Variants in RBM19 observed in about 807,000 individuals in gnomAD.
RBM19 encodes the protein probable RNA-binding protein 19.
RBM19 carries 94 observed loss-of-function variants against 116.8 expected under a neutral mutation model. The ratio of observed to expected loss-of-function variants is 0.80; its 90% confidence interval spans 0.68 to 0.95. The LOEUF is 0.95. Among genes scored for constraint, RBM19 ranks in the 40% least tolerant of loss-of-function variants. The pLI is 0.00. For missense variants in RBM19, 1,161 were observed against 1,220.7 expected (o/e 0.95, Z 0.73); for synonymous variants, 475 against 494.1 (o/e 0.96, Z 0.51).
rs1453017792 is a variant in RBM19 at position 113,884,582 on chromosome 12, G to A, written c.2559-25686C>T. On this transcript the variant is annotated intron_variant, in intron 21 of 23. Transcript: ENST00000261741. The stretch of plus-strand genomic sequence containing the variant: ...AAGGTTGGGAAACTCCGTACTGGAG[G>A]CAAGGAGACCCTGTAGCCATGAGCA... Among the ~76,000 whole-genome samples, 4 of 152,216 alleles carry A rather than the reference G, an allele frequency of 2.6e-5. No individual in the cohort carries two copies. The East Asian group carries it at 7.7e-4, about 29-fold the overall frequency.
chr12:113,938,461 T>TG (rs1307785884), intron 15 of RBM19, among the ~76,000 whole-genome samples: 3 of 112,994 alleles, frequency 2.7e-5, no homozygotes, highest in East Asian at 2.8e-4. Context: ...TAAGAATTGC[T>TG]GGGGGGGACA....
intron 1 of RBM19, among the ~76,000 whole-genome samples, chr12:113,962,711 A>G (rs990040942): frequency 6.6e-6 from 1 of 152,264 alleles, no homozygotes. Flanking sequence ...CAGAAGCAGT[A>G]TTACGTCTGC....
intron 21 of RBM19, among the ~76,000 whole-genome samples, chr12:113,865,067 A>G (rs1878702414): frequency 6.6e-6 from 1 of 152,170 alleles, no homozygotes; most frequent in Non-Finnish European, 1.5e-5. Context: ...GCATCCTTAG[A>G]ATAATTTCTG....
intron 21 of RBM19, among the ~76,000 whole-genome samples, chr12:113,895,305 C>T (rs368830791): frequency 1.3e-5 from 2 of 152,000 alleles, no homozygotes; most frequent in African/African-American, 4.8e-5. Context: ...TGTCAGTCCA[C>T]GAGGGATGAT....
At chr12:113,884,121 A>AAAAAAAAAAC (rs1565995815) in intron 21 of RBM19, among the ~76,000 whole-genome samples, 3 of 88,008 alleles carry the variant, frequency 3.4e-5, no homozygotes, top group East Asian at 7.0e-4. Flanking sequence ...CCAAAAAAAA[A>AAAAAAAAAAC]AAAAAACAAA....
At chr12:113,891,028 C>T (rs1292867917) in intron 21 of RBM19, among the ~76,000 whole-genome samples, 1 of 151,344 alleles carries the variant, frequency 6.6e-6, no homozygotes, top group African/African-American at 2.4e-5. Flanking sequence ...GTCTCAAACT[C>T]CTGGCCTTAA....
At chr12:113,934,567 T>C (rs554691912) in intron 16 of RBM19, among the ~76,000 whole-genome samples, 16 of 152,266 alleles carry the variant, frequency 1.1e-4, no homozygotes, top group African/African-American at 3.9e-4. Flanking sequence ...GATACTGCCG[T>C]GAGCAAGGTG....
intron 23 of RBM19, among the ~76,000 whole-genome samples, chr12:113,838,739 C>G (rs1340167244): frequency 6.6e-6 from 1 of 152,146 alleles, no homozygotes; most frequent in Admixed American, 6.5e-5. Flanking sequence ...TTAGCTTGAA[C>G]TACAAATTGA....
chr12:113,829,778 C>T (rs1406525238), intron 23 of RBM19, among the ~76,000 whole-genome samples: 1 of 152,236 alleles, frequency 6.6e-6, no homozygotes, highest in Non-Finnish European at 1.5e-5. Flanking sequence ...GCACTTAGCC[C>T]AGGGCCCGGC....
intron 7 of RBM19, 48 bp from the exon 8 acceptor site, chr12:113,952,638 C>T (rs1566039434): frequency 6.7e-7 from 1 of 1,495,042 alleles, no homozygotes; most frequent in Middle Eastern, 1.7e-4. Context: ...AATAAAAGTA[C>T]AACCCAACGA....
intron 21 of RBM19, among the ~76,000 whole-genome samples, chr12:113,910,471 A>C (rs1882359427): frequency 6.6e-6 from 1 of 152,192 alleles, no homozygotes; most frequent in African/African-American, 2.4e-5. Context: ...ACAGCAGTGC[A>C]TTTAACCAAG....
At chr12:113,954,459 T>TGGAGTC (rs1292250190) in intron 7 of RBM19, among the ~76,000 whole-genome samples, 1 of 152,228 alleles carries the variant, frequency 6.6e-6, no homozygotes. Flanking sequence ...TCACTGTATT[T>TGGAGTC]GGAGTCGTTA....
chr12:113,841,425 T>TC (rs1876463973), intron 23 of RBM19, among the ~76,000 whole-genome samples: 1 of 145,728 alleles, frequency 6.9e-6, no homozygotes, highest in Admixed American at 6.8e-5. Context: ...TTCTTTTCTT[T>TC]TTTTTTTTTT....
Position 113,823,050 on chromosome 12 carries a change from C to T in RBM19, c.*174G>A, listed in dbSNP as rs373689588. The stretch of plus-strand genomic sequence containing the variant: ...AACCCAGGATGCCTGGGCCGCTGGG[C>T]AGTGGCCTGAGGCCTTCCTCATCCC... On this transcript the variant is annotated 3_prime_UTR_variant, in exon 24 of 24. Transcript: ENST00000261741. 21 of 614,038 alleles carry T rather than the reference C, an allele frequency of 3.4e-5. No individual in the cohort carries two copies. In the African/African-American group the frequency reaches 3.5e-4, roughly 10 times the overall value. 38.0% of individuals were successfully genotyped at this position (614,038 alleles called of 1,614,324 possible). A position where few individuals can be genotyped will look rare whatever the true frequency, so the allele number is the denominator to read the frequency against.
At chr12:113,945,984 T>A in intron 12 of RBM19, 60 bp from the exon 13 acceptor site, 1 of 1,435,130 alleles carries the variant, frequency 7.0e-7, no homozygotes, top group Admixed American at 1.8e-5. Context: ...GAACTCGTTC[T>A]CAGACACGAA....
chr12:113,930,105 G>C (rs914329753), intron 16 of RBM19, among the ~76,000 whole-genome samples: 3 of 152,156 alleles, frequency 2.0e-5, no homozygotes, highest in Non-Finnish European at 4.4e-5. Context: ...CAACTTAATG[G>C]CAAGTGACTT....
chr12:113,915,428 G>A (rs960444903), intron 20 of RBM19, among the ~76,000 whole-genome samples: 1 of 152,168 alleles, frequency 6.6e-6, no homozygotes, highest in Non-Finnish European at 1.5e-5. Context: ...TGCAAAGAAA[G>A]ACCCCAGTTG....
At chr12:113,959,053 G>A (rs1459668657) in intron 5 of RBM19, among the ~76,000 whole-genome samples, 159 bp downstream of exon 5, 1 of 152,256 alleles carries the variant, frequency 6.6e-6, no homozygotes, top group Non-Finnish European at 1.5e-5. Context: ...ACTAGGATCA[G>A]TGAAGACAGA....
intron 12 of RBM19, 52 bp downstream of exon 12, chr12:113,946,302 G>C: frequency 6.2e-7 from 1 of 1,612,822 alleles, no homozygotes; most frequent in Non-Finnish European, 8.5e-7. Context: ...GGCAGGGTGA[G>C]GGTGGCAGAG....
Sources: allele counts gnomAD v4.1 joint callset (sites outside exome capture counted in the v4.1 genomes callset), GRCh38; gene constraint gnomAD v4.1.1; transcripts MANE v1.5; gene names NCBI Gene and HGNC (gene_info 2026-07-23, HGNC 2026-07-21).